PDE6A: variants seen among roughly 807,000 people sequenced by gnomAD.
The protein encoded by PDE6A is rod cGMP-specific 3',5'-cyclic phosphodiesterase subunit alpha.
In PDE6A, 84 loss-of-function variants were observed where a neutral mutation model predicts 106.3. The observed-to-expected ratio is 0.79, with a 90% CI of 0.66 to 0.95. PDE6A has a LOEUF of 0.95. PDE6A is among the 40% of genes least tolerant of loss of function. PDE6A has a pLI of 0.00. For missense variants in PDE6A, 1,052 were observed against 1,084.9 expected (o/e 0.97, Z 0.43); for synonymous variants, 394 against 386.6 (o/e 1.02, Z -0.23).
intron 10 of PDE6A, among the ~76,000 whole-genome samples, chr5:149,897,117 A>G (rs1202663926): frequency 2.0e-5 from 3 of 152,276 alleles, no homozygotes; most frequent in African/African-American, 7.2e-5. Flanking sequence ...AATAATCCAT[A>G]TAAAGCACTT....
In PDE6A at chr5:149,883,547, T is replaced by C. The variant is rs751895061; in HGVS notation, c.2028-11A>G. On this transcript the variant is annotated splice_polypyrimidine_tract_variant and intron_variant, in intron 16 of 21. Transcript: ENST00000255266. ...AACATCGTCCTCTTCCTACAAAACA[T>C]ATCAGTCTAGTAAAGGGAGCAAGTC... 6.3e-7 allele frequency: 1 copy of C among 1,577,328 alleles called. No homozygotes were observed. The highest frequency in any genetic ancestry group is 2.2e-5 in the East Asian group (1 of 44,626).
intron 3 of PDE6A, chr5:149,932,072 C>CATTT (rs1754049758): frequency 7.0e-7 from 1 of 1,434,366 alleles, no homozygotes. Context: ...AATACACGAC[C>CATTT]ATTTCTCTTT....
At position 149,860,226 on chromosome 5, in the gene PDE6A, A is replaced by G. The variant is rs1760083887; in HGVS notation, c.*669T>C. On this transcript the variant is annotated 3_prime_UTR_variant, in exon 22 of 22. Transcript: ENST00000255266. ...CTTTAAACACTTCAGGTAAGAAAAA[A>G]AATTGAAAAGAAAATGTAAAAAGGA... is the stretch of plus-strand genomic sequence containing the variant. 6.6e-6 allele frequency: 1 copy of G among 152,270 alleles called. No individual in the cohort carries two copies. The highest frequency in any genetic ancestry group is 6.5e-5 in the Admixed American group (1 of 15,286). 9.4% of individuals were successfully genotyped at this position (152,270 alleles called of 1,614,324 possible).
intron 1 of PDE6A, among the ~76,000 whole-genome samples, chr5:149,939,165 C>T (rs1182984284): frequency 6.6e-6 from 1 of 152,166 alleles, no homozygotes; most frequent in Non-Finnish European, 1.5e-5. Flanking sequence ...CCTAGACAGA[C>T]TTCACCCACA....
chr5:149,886,886 G>A (rs1752327327), intron 13 of PDE6A, among the ~76,000 whole-genome samples: 1 of 152,170 alleles, frequency 6.6e-6, no homozygotes, highest in Non-Finnish European at 1.5e-5. Flanking sequence ...ACCAAATGTG[G>A]GAAAGTGCTC....
chr5:149,936,992 C>T (rs1212052237), intron 1 of PDE6A, among the ~76,000 whole-genome samples: 1 of 152,054 alleles, frequency 6.6e-6, no homozygotes, highest in Non-Finnish European at 1.5e-5. Context: ...GCGAGACAGA[C>T]AAAAAAGCAA....
At chr5:149,918,200 A>G (rs1053874702) in intron 5 of PDE6A, among the ~76,000 whole-genome samples, 1 of 152,210 alleles carries the variant, frequency 6.6e-6, no homozygotes, top group Non-Finnish European at 1.5e-5. Context: ...TGCCCCGTCC[A>G]AGGGTCTTAG....
chr5:149,942,177 G>A (rs1754344365), intron 1 of PDE6A, among the ~76,000 whole-genome samples: 1 of 152,014 alleles, frequency 6.6e-6, no homozygotes, highest in South Asian at 2.1e-4. Flanking sequence ...TGCCCAGCCT[G>A]GTCTCAAATT....
intron 4 of PDE6A, among the ~76,000 whole-genome samples, 157 bp from the exon 5 acceptor site, chr5:149,921,866 G>A (rs1222744921): frequency 1.3e-5 from 2 of 152,192 alleles, no homozygotes; most frequent in South Asian, 2.1e-4. Flanking sequence ...ACTCACTACA[G>A]TTAGAAAATA....
At chr5:149,901,783 A>G (rs1471895722) in intron 8 of PDE6A, among the ~76,000 whole-genome samples, 2 of 152,214 alleles carry the variant, frequency 1.3e-5, no homozygotes, top group Non-Finnish European at 2.9e-5. Context: ...ATGAAGTGCA[A>G]TTTTAACTTT....
chr5:149,872,453 G>A (rs1187931680), intron 17 of PDE6A, among the ~76,000 whole-genome samples: 1 of 152,032 alleles, frequency 6.6e-6, no homozygotes, highest in African/African-American at 2.4e-5. Flanking sequence ...GGTCACCCTC[G>A]TGTGTAGAGC....
intron 4 of PDE6A, among the ~76,000 whole-genome samples, chr5:149,922,706 T>C (rs764244659): frequency 6.6e-6 from 1 of 152,180 alleles, no homozygotes; most frequent in Non-Finnish European, 1.5e-5. Flanking sequence ...ATTGCTTTTG[T>C]AATCAGGAAA....
chr5:149,874,298 C>A (rs964141153), intron 17 of PDE6A, among the ~76,000 whole-genome samples: 2 of 152,192 alleles, frequency 1.3e-5, no homozygotes, highest in African/African-American at 4.8e-5. Context: ...AAGTTACCTA[C>A]CCTTCTGTCT....
At chr5:149,943,366 G>A (rs1281275272) in intron 1 of PDE6A, among the ~76,000 whole-genome samples, 1 of 152,194 alleles carries the variant, frequency 6.6e-6, no homozygotes, top group Non-Finnish European at 1.5e-5. Context: ...TCTCAAGGCA[G>A]AATAATTTTT....
rs1279556321 is a variant in PDE6A at position 149,940,464 on chromosome 5, C to G, written c.474+3736G>C. Among the ~76,000 whole-genome samples, 6 of 152,030 alleles carry G rather than the reference C, an allele frequency of 3.9e-5. No individual in the cohort carries two copies. The East Asian group carries it at 1.2e-3, about 29-fold the overall frequency. Reference sequence around the variant, plus strand: ...CCACAGAGGCACAAGTCTGGCTTATCTCACTAAGGAGCCCAAGACCAAAAG... The same window carrying G: ...CCACAGAGGCACAAGTCTGGCTTATGTCACTAAGGAGCCCAAGACCAAAAG... On this transcript the variant is annotated intron_variant, in intron 1 of 21. Transcript: ENST00000255266.
At chr5:149,934,787 C>T (rs1441485190) in intron 1 of PDE6A, 69 bp from the exon 2 acceptor site, 1 of 1,509,872 alleles carries the variant, frequency 6.6e-7, no homozygotes, top group South Asian at 1.1e-5. Context: ...GCCCAAAGCC[C>T]CTGTTGACAA....
chr5:149,867,652 A>G, intron 19 of PDE6A, 73 bp downstream of exon 19: 1 of 1,290,566 alleles, frequency 7.7e-7, no homozygotes, highest in Admixed American at 1.7e-5. Flanking sequence ...TCTCTCCATC[A>G]TGGCGAGGTC....
At chr5:149,897,206 T>A (rs759483615) in intron 10 of PDE6A, among the ~76,000 whole-genome samples, 2 of 152,262 alleles carry the variant, frequency 1.3e-5, no homozygotes, top group Non-Finnish European at 2.9e-5. Flanking sequence ...TATTACTGAC[T>A]GGGAGTAAGG....
At chr5:149,866,901 A>C (rs1443516546) in intron 19 of PDE6A, 2 of 154,450 alleles carry the variant, frequency 1.3e-5, no homozygotes, top group Non-Finnish European at 2.9e-5. Context: ...GCTGTAGCTG[A>C]TGGGCACTAG....
Sources: gnomAD v4.1 joint callset for allele counts (sites outside exome capture counted in the v4.1 genomes callset) on GRCh38, gnomAD v4.1.1 for gene constraint, MANE v1.5 for transcripts, NCBI Gene and HGNC (gene_info 2026-07-23, HGNC 2026-07-21) for gene names.